The following ZNF536 variants were observed in gnomAD, a reference collection of about 807,000 sequenced individuals.
ZNF536 encodes zinc finger protein 536.
Under a neutral mutation model 84.5 loss-of-function variants are expected in ZNF536, and 13 were observed. The ratio of observed to expected loss-of-function variants is 0.15; its 90% CI spans 0.10 to 0.24. ZNF536 has a LOEUF of 0.24. Among genes scored for constraint, ZNF536 ranks in the 10% least tolerant of loss-of-function variants. ZNF536 has a pLI of 1.00. For synonymous variants in ZNF536, 811 were observed against 742.5 expected (o/e 1.09, Z -1.50); for missense variants, 1,536 against 1,747.5 (o/e 0.88, Z 2.16).
At chr19:30,589,831 A>G (rs947235584) in intron 1 of ZNF536, among the ~76,000 whole-genome samples, 4 of 152,162 alleles carry the variant, frequency 2.6e-5, no homozygotes, top group Non-Finnish European at 4.4e-5. Context: ...CCCTGTGTGC[A>G]GCCTGAGTGT....
At chr19:30,669,658 T>C (rs1461248827) in intron 1 of ZNF536, among the ~76,000 whole-genome samples, 1 of 152,166 alleles carries the variant, frequency 6.6e-6, no homozygotes, top group Non-Finnish European at 1.5e-5. Context: ...AGGCTCCACT[T>C]TCCCTAAAAC....
Position 30,430,256 on chromosome 19 carries a change from G to GTTCA in ZNF536, c.-2-13295_-2-13292dup, listed in dbSNP as rs147754915. Among the ~76,000 whole-genome samples the GTTCA allele has an allele frequency of 2.1e-3, 325 of 152,310 alleles. 1 individual carries two copies. The highest frequency in any genetic ancestry group is 7.3e-3 in the African/African-American group (304 of 41,580). On this transcript the variant is annotated intron_variant, in intron 1 of 4. Transcript: ENST00000355537. The stretch of plus-strand genomic sequence containing the variant: ...ATGTTATGCTGGAGGCCTGCAACTT[G>GTTCA]TTCATTCATTCATCCATTCATTCAT...
intron 3 of ZNF536, among the ~76,000 whole-genome samples, chr19:30,364,995 T>G (rs2048382214): frequency 6.6e-6 from 1 of 152,216 alleles, no homozygotes. Flanking sequence ...GATCACAGTG[T>G]GAAAAGTGTT....
At chr19:30,493,863 T>G (rs2054609412) in intron 2 of ZNF536, among the ~76,000 whole-genome samples, 1 of 152,154 alleles carries the variant, frequency 6.6e-6, no homozygotes, top group Non-Finnish European at 1.5e-5. Context: ...ATCTCTGTTA[T>G]GGGTTGAGCT....
At chr19:30,262,579 C>T (rs182107667) in intron 1 of ZNF536, among the ~76,000 whole-genome samples, 1 of 152,268 alleles carries the variant, frequency 6.6e-6, no homozygotes, top group Admixed American at 6.5e-5. Context: ...AGGGAGGGCT[C>T]ATCCGTGGTT....
chr19:30,471,525 C>G (rs976022253), intron 2 of ZNF536, among the ~76,000 whole-genome samples: 25 of 152,230 alleles, frequency 1.6e-4, no homozygotes, highest in Admixed American at 1.6e-3. Context: ...GGGCAATTGT[C>G]AGATCACCCA....
chr19:30,415,592 A>ATCG (rs1310285378), intron 1 of ZNF536, among the ~76,000 whole-genome samples: 1 of 117,380 alleles, frequency 8.5e-6, no homozygotes, highest in Non-Finnish European at 1.8e-5. Context: ...CATCATCGTC[A>ATCG]TCGTCATCAT....
At chr19:30,603,342 A>T (rs2047759557) in intron 1 of ZNF536, among the ~76,000 whole-genome samples, 2 of 152,222 alleles carry the variant, frequency 1.3e-5, no homozygotes, top group African/African-American at 4.8e-5. Context: ...TTTTGTGATT[A>T]TAAGGATTAT....
rs1290418515 is a variant in ZNF536, at chr19:30,512,225, CA to C, written c.2171-22620del. On this transcript the variant is annotated intron_variant, in intron 2 of 4. Coordinates refer to ENST00000355537, the MANE Select transcript of ZNF536 (RefSeq NM_014717.3). The stretch of plus-strand genomic sequence containing the variant: ...ACAGAATTTAAAATGGTTGTTTTTC[CA>C]ATGCCTGCAAAATTGTTTTATTAGG... Among the ~76,000 whole-genome samples, 33 of 152,130 alleles carry C rather than the reference CA, an allele frequency of 2.2e-4. 1 individual carries two copies. The East Asian group carries it at 6.4e-3, about 29-fold the overall frequency.
chr19:30,330,943 C>T (rs921784921), intron 2 of ZNF536, among the ~76,000 whole-genome samples: 14 of 152,140 alleles, frequency 9.2e-5, no homozygotes, highest in African/African-American at 3.4e-4. Context: ...GGTTTCAGTC[C>T]CTACTGCACT....
At chr19:30,371,903 G>T (rs1305503892), upstream of ZNF536, among the ~76,000 whole-genome samples, 2 of 151,582 alleles carry the variant, frequency 1.3e-5, no homozygotes, top group Non-Finnish European at 2.9e-5. Flanking sequence ...CCACCTTTTT[G>T]CATAGATTCT....
chr19:30,439,224 C>T (rs1045423265), intron 1 of ZNF536, among the ~76,000 whole-genome samples: 1 of 152,170 alleles, frequency 6.6e-6, no homozygotes, highest in Non-Finnish European at 1.5e-5. Flanking sequence ...ATCTTTTCCC[C>T]AGCTTTGCAT....
chr19:30,700,201 C>CTTCCTTCTTTCTTTCTTTCTTTCT (rs1400524271), intron 1 of ZNF536, among the ~76,000 whole-genome samples: 1 of 82,710 alleles, frequency 1.2e-5, no homozygotes, highest in African/African-American at 4.2e-5. Flanking sequence ...TCTTTCTTTC[C>CTTCCTTCTTTCTTTCTTTCTTTCT]TTCTTTCTTT....
chr19:30,672,995 A>G (rs749289055), intron 1 of ZNF536, among the ~76,000 whole-genome samples: 6 of 152,118 alleles, frequency 3.9e-5, no homozygotes, highest in African/African-American at 1.4e-4. Context: ...CTTTAATCCA[A>G]TAAGAGCCCA....
intron 2 of ZNF536, among the ~76,000 whole-genome samples, chr19:30,335,783 C>T (rs572489755): frequency 6.6e-6 from 1 of 152,296 alleles, no homozygotes; most frequent in East Asian, 1.9e-4. Flanking sequence ...ACTATTTCTA[C>T]TTGTTCATGA....
intron 1 of ZNF536, among the ~76,000 whole-genome samples, chr19:30,626,784 T>C (rs2048695998): frequency 6.6e-6 from 1 of 152,202 alleles, no homozygotes; most frequent in African/African-American, 2.4e-5. Flanking sequence ...GGATGTGCGG[T>C]GATGGTGACC....
intron 2 of ZNF536, among the ~76,000 whole-genome samples, chr19:30,482,673 C>T (rs1243577917): frequency 6.6e-6 from 1 of 152,088 alleles, no homozygotes; most frequent in Admixed American, 6.5e-5. Flanking sequence ...AGGTCAAGGT[C>T]TTGTCAGATG....
At chr19:30,285,558 C>A (rs567630648) in intron 2 of ZNF536, among the ~76,000 whole-genome samples, 7 of 152,294 alleles carry the variant, frequency 4.6e-5, no homozygotes, top group African/African-American at 1.7e-4. Context: ...CCTCTGTCAC[C>A]TGCTTCTGTC....
At chr19:30,642,545 T>C (rs934677655) in intron 1 of ZNF536, among the ~76,000 whole-genome samples, 5 of 152,042 alleles carry the variant, frequency 3.3e-5, no homozygotes, top group African/African-American at 1.2e-4. Context: ...GATTAGAAGG[T>C]AGAAGGTCAG....
Sources: allele counts gnomAD v4.1 joint callset (sites outside exome capture counted in the v4.1 genomes callset), GRCh38; gene constraint gnomAD v4.1.1; transcripts MANE v1.5; gene names NCBI Gene and HGNC (gene_info 2026-07-23, HGNC 2026-07-21).